Variants in LRRTM3 observed in about 807,000 individuals in gnomAD.
LRRTM3 encodes the protein leucine rich repeat transmembrane neuronal 3.
LRRTM3 carries 24 observed loss-of-function variants against 44.7 expected under a neutral mutation model. The observed-to-expected ratio is 0.54, with a 90% CI of 0.39 to 0.76. LRRTM3 has a LOEUF of 0.76. Ranked by LOEUF, LRRTM3 falls within the 30% of genes least tolerant of loss-of-function variation. The pLI, the probability that LRRTM3 is intolerant of heterozygous loss-of-function variation, is 0.00. For synonymous variants in LRRTM3, 277 were observed against 278.7 expected, an observed-to-expected ratio of 0.99 and a Z score of 0.06; for missense variants, 587 against 702.2, an observed-to-expected ratio of 0.84 and a Z score of 1.85.
At chr10:67,058,682 A>C (rs1196173948) in intron 2 of LRRTM3, among the ~76,000 whole-genome samples, 1 of 152,120 alleles carries the variant, frequency 6.6e-6, no homozygotes, top group Non-Finnish European at 1.5e-5. Flanking sequence ...AGAAACATGA[A>C]GGATAACCAC....
At chr10:67,055,708 T>A (rs1342165612) in intron 2 of LRRTM3, among the ~76,000 whole-genome samples, 1 of 152,032 alleles carries the variant, frequency 6.6e-6, no homozygotes, top group African/African-American at 2.4e-5. Context: ...TTTGTGGGAG[T>A]AAGGCTTGGG....
intron 2 of LRRTM3, among the ~76,000 whole-genome samples, chr10:66,966,111 A>G (rs1377242342): frequency 6.6e-6 from 1 of 151,854 alleles, no homozygotes. Context: ...TGGGATAACA[A>G]TAGTTATTAT....
At position 67,101,459 on chromosome 10, in the gene LRRTM3, T is replaced by C. The variant is rs974114361; in HGVS notation, c.*3663T>C. Among the ~76,000 whole-genome samples, 6 of 151,894 alleles carry C rather than the reference T, an allele frequency of 4.0e-5. No homozygotes were observed. The highest frequency in any genetic ancestry group is 1.9e-4 in the East Asian group (1 of 5,176). On this transcript the variant is annotated 3_prime_UTR_variant, in exon 3 of 3. Transcript: ENST00000361320. ...TAGAGAACAATTTTCTCCATTTTCT[T>C]ATAAGAAAAATAAAATATAATTTAT...
chr10:67,046,978 G>A (rs532629035), intron 2 of LRRTM3, among the ~76,000 whole-genome samples: 78 of 152,276 alleles, frequency 5.1e-4, no homozygotes, highest in African/African-American at 1.8e-3. Flanking sequence ...AGGGTACAGA[G>A]GGTAGAAAAG....
intron 2 of LRRTM3, among the ~76,000 whole-genome samples, chr10:67,089,866 C>G (rs1009918694): frequency 2.0e-5 from 3 of 151,874 alleles, no homozygotes; most frequent in Non-Finnish European, 2.9e-5. Context: ...TGCCAGAGAG[C>G]AGAAATTGTG....
At chr10:67,028,412 C>A in intron 2 of LRRTM3, among the ~76,000 whole-genome samples, 1 of 151,450 alleles carries the variant, frequency 6.6e-6, no homozygotes, top group African/African-American at 2.4e-5. Flanking sequence ...CATTTCTCAA[C>A]CAAAAAATTT....
At chr10:66,967,345 T>G (rs1006818795) in intron 2 of LRRTM3, among the ~76,000 whole-genome samples, 2 of 88,550 alleles carry the variant, frequency 2.3e-5, no homozygotes, top group South Asian at 4.4e-4. Context: ...TATATATATA[T>G]AGATAGATAG....
chr10:67,031,778 T>A (rs1036486153), intron 2 of LRRTM3, among the ~76,000 whole-genome samples: 12 of 152,206 alleles, frequency 7.9e-5, no homozygotes, highest in Non-Finnish European at 1.2e-4. Context: ...AGAATTACTC[T>A]GTTCTTAGAG....
intron 2 of LRRTM3, among the ~76,000 whole-genome samples, chr10:66,953,016 G>A (rs1848617539): frequency 6.6e-6 from 1 of 151,988 alleles, no homozygotes; most frequent in Admixed American, 6.6e-5. Flanking sequence ...TTCCCACTAT[G>A]TTCTTTACCT....
intron 2 of LRRTM3, among the ~76,000 whole-genome samples, chr10:66,940,113 T>G (rs1456596676): frequency 1.3e-5 from 2 of 152,136 alleles, no homozygotes; most frequent in African/African-American, 2.4e-5. Context: ...TGGTCCAACT[T>G]AGGTAGAGAA....
rs781478690 is a variant in LRRTM3 at position 66,926,607 on chromosome 10, TTC to T, written c.4+22_4+23del. On this transcript the variant is annotated intron_variant, in intron 1 of 2. Coordinates refer to ENST00000361320, the MANE Select transcript of LRRTM3 (RefSeq NM_178011.5). ...GGATGGGTATGTTTTGTCATTTTTC[TTC>T]TTTCCTTCTTAAAAACAAAAAACAA... is the stretch of plus-strand genomic sequence containing the variant. The T allele has an allele frequency of 1.2e-6, 2 of 1,613,820 alleles. No individual in the cohort carries two copies. The highest frequency in any genetic ancestry group is 3.3e-5 in the Admixed American group (2 of 59,968).
At chr10:66,928,896 C>A (rs1847221172) in intron 2 of LRRTM3, among the ~76,000 whole-genome samples, 1 of 152,180 alleles carries the variant, frequency 6.6e-6, no homozygotes, top group South Asian at 2.1e-4. Flanking sequence ...GGAGCTTGAG[C>A]TGATTCTTGG....
intron 2 of LRRTM3, among the ~76,000 whole-genome samples, chr10:66,956,387 C>T (rs988851932): frequency 6.6e-6 from 1 of 151,952 alleles, no homozygotes; most frequent in African/African-American, 2.4e-5. Context: ...GCATTGCTTG[C>T]TATCTTGTTA....
intron 2 of LRRTM3, among the ~76,000 whole-genome samples, chr10:66,987,168 G>A (rs1850777999): frequency 6.6e-6 from 1 of 152,142 alleles, no homozygotes; most frequent in African/African-American, 2.4e-5. Context: ...ACGGACACAG[G>A]GCAGGACTAA....
intron 2 of LRRTM3, among the ~76,000 whole-genome samples, chr10:67,039,082 T>A (rs1266433970): frequency 1.3e-5 from 2 of 152,036 alleles, no homozygotes; most frequent in East Asian, 3.9e-4. Context: ...TTTTTACAGT[T>A]TCTACCTGTC....
At chr10:67,068,388 C>T (rs556689459) in intron 2 of LRRTM3, among the ~76,000 whole-genome samples, 5 of 152,212 alleles carry the variant, frequency 3.3e-5, no homozygotes, top group African/African-American at 7.2e-5. Flanking sequence ...GCATGTGTTA[C>T]GTTGGGGGAC....
At chr10:67,089,686 CCAAT>C (rs1392178075) in intron 2 of LRRTM3, among the ~76,000 whole-genome samples, 5 of 149,220 alleles carry the variant, frequency 3.4e-5, no homozygotes, top group Non-Finnish European at 7.4e-5. Context: ...GTCGAATCAG[CCAAT>C]CAGAGTATAC....
At chr10:66,931,355 T>C (rs996021675) in intron 2 of LRRTM3, among the ~76,000 whole-genome samples, 3 of 152,210 alleles carry the variant, frequency 2.0e-5, no homozygotes, top group Non-Finnish European at 4.4e-5. Context: ...CCACAGCATG[T>C]AGTTAAATAG....
intron 2 of LRRTM3, among the ~76,000 whole-genome samples, chr10:67,060,755 G>C (rs73256441): frequency 0.063 from 9,569 of 152,216 alleles, 941 homozygotes; most frequent in African/African-American, 0.21. Flanking sequence ...TGGTGCCTCT[G>C]TCAGCCTAGG....
Sources: gnomAD v4.1 joint callset for allele counts (sites outside exome capture counted in the v4.1 genomes callset) on GRCh38, gnomAD v4.1.1 for gene constraint, MANE v1.5 for transcripts, NCBI Gene and HGNC (gene_info 2026-07-23, HGNC 2026-07-21) for gene names.